Variants in SCFD2 observed in about 807,000 individuals in gnomAD.
The protein encoded by SCFD2 is sec1 family domain containing 2.
SCFD2 carries 54 observed loss-of-function variants against 58.9 expected under a neutral mutation model. The observed-to-expected ratio is 0.92, with a 90% confidence interval of 0.74 to 1.15. SCFD2 has a LOEUF of 1.15. Ranked by LOEUF, SCFD2 falls within the 50% of genes most tolerant of loss-of-function variation. The pLI is 0.00. For missense variants in SCFD2, 805 were observed against 836.6 expected, an observed-to-expected ratio of 0.96 and a Z score of 0.47; for synonymous variants, 321 against 335.9, an observed-to-expected ratio of 0.96 and a Z score of 0.49.
chr4:53,062,652 A>C (rs1337239875), intron 5 of SCFD2, among the ~76,000 whole-genome samples: 10 of 152,146 alleles, frequency 6.6e-5, no homozygotes, highest in Admixed American at 6.6e-4. Context: ...CAGTGCTCTG[A>C]TGGAAAATCC....
intron 5 of SCFD2, among the ~76,000 whole-genome samples, chr4:53,104,861 T>C (rs1724940503): frequency 6.6e-6 from 1 of 152,096 alleles, no homozygotes; most frequent in Admixed American, 6.5e-5. Flanking sequence ...AATTAAGAGA[T>C]TTGGTAGTAA....
intron 2 of SCFD2, among the ~76,000 whole-genome samples, chr4:53,314,837 A>G (rs1441080961): frequency 1.3e-5 from 2 of 152,200 alleles, no homozygotes; most frequent in Admixed American, 1.3e-4. Flanking sequence ...ATTATCATGT[A>G]TCTTTCCATA....
chr4:53,111,870 G>A (rs541229303), intron 5 of SCFD2, among the ~76,000 whole-genome samples: 1 of 152,078 alleles, frequency 6.6e-6, no homozygotes, highest in Non-Finnish European at 1.5e-5. Flanking sequence ...GGGAGTAACT[G>A]CATGCTTGGC....
chr4:53,121,415 T>C (rs921627770), intron 5 of SCFD2, among the ~76,000 whole-genome samples: 4 of 152,208 alleles, frequency 2.6e-5, no homozygotes, highest in South Asian at 2.1e-4. Context: ...GAAGTCTCTA[T>C]TGTTCAAGTT....
chr4:53,035,459 G>C, intron 5 of SCFD2, among the ~76,000 whole-genome samples: 1 of 152,098 alleles, frequency 6.6e-6, no homozygotes. Flanking sequence ...GGCAACAAAA[G>C]CCAAAATTGA....
At chr4:53,055,860 T>G (rs553279768) in intron 5 of SCFD2, among the ~76,000 whole-genome samples, 91 of 152,024 alleles carry the variant, frequency 6.0e-4, no homozygotes, top group Admixed American at 9.2e-4. Flanking sequence ...GCTCAGACTC[T>G]CTCCTGACTG....
chr4:53,259,332 T>C (rs747592327), intron 4 of SCFD2, among the ~76,000 whole-genome samples: 8 of 152,240 alleles, frequency 5.3e-5, no homozygotes, highest in Non-Finnish European at 7.3e-5. Flanking sequence ...TGTTATCTTC[T>C]AGAATCTTTA....
chr4:53,284,869 G>A (rs1210356642), intron 3 of SCFD2, among the ~76,000 whole-genome samples: 3 of 152,170 alleles, frequency 2.0e-5, no homozygotes, highest in Non-Finnish European at 2.9e-5. Context: ...AAGCCCAGCT[G>A]GGAATTGATG....
chr4:53,290,257 A>G (rs1489519078), intron 3 of SCFD2, among the ~76,000 whole-genome samples: 1 of 152,194 alleles, frequency 6.6e-6, no homozygotes, highest in East Asian at 1.9e-4. Flanking sequence ...AGAAGATCAC[A>G]GTCATATCAA....
intron 5 of SCFD2, among the ~76,000 whole-genome samples, chr4:53,112,029 G>A (rs976813407): frequency 3.9e-5 from 6 of 152,124 alleles, no homozygotes; most frequent in Admixed American, 6.6e-5. Context: ...GATCATTTAG[G>A]AATGATAGAC....
intron 5 of SCFD2, among the ~76,000 whole-genome samples, chr4:53,100,669 T>C (rs753715961): frequency 3.9e-5 from 6 of 152,150 alleles, no homozygotes; most frequent in Admixed American, 2.6e-4. Flanking sequence ...AACAGACACA[T>C]AAGGCTCCCT....
intron 5 of SCFD2, among the ~76,000 whole-genome samples, chr4:53,105,023 C>A (rs1724945967): frequency 6.6e-6 from 1 of 152,138 alleles, no homozygotes; most frequent in Non-Finnish European, 1.5e-5. Context: ...ACAATGGGTG[C>A]AGCTCACAAA....
At chr4:53,133,207 A>G (rs1426478036) in intron 5 of SCFD2, among the ~76,000 whole-genome samples, 1 of 151,766 alleles carries the variant, frequency 6.6e-6, no homozygotes, top group African/African-American at 2.4e-5. Flanking sequence ...GGGTGCCTGT[A>G]GTCCCAGCTA....
chr4:53,092,573 A>G (rs1724505240), intron 5 of SCFD2, among the ~76,000 whole-genome samples: 1 of 152,070 alleles, frequency 6.6e-6, no homozygotes, highest in African/African-American at 2.4e-5. Context: ...TGGTTAAACA[A>G]ACTGTGCTAC....
At chr4:53,196,473 G>C (rs774072282) in intron 4 of SCFD2, among the ~76,000 whole-genome samples, 3 of 152,160 alleles carry the variant, frequency 2.0e-5, no homozygotes, top group Non-Finnish European at 2.9e-5. Flanking sequence ...TTTTAAAGCA[G>C]ATTCTTGTTA....
At chr4:52,876,254 G>A (rs1397991563) in intron 8 of SCFD2, among the ~76,000 whole-genome samples, 4 of 152,160 alleles carry the variant, frequency 2.6e-5, no homozygotes, top group East Asian at 1.9e-4. Flanking sequence ...ACATAAGATC[G>A]TGTATGTGGA....
chr4:53,029,675 T>G (rs958352090), intron 5 of SCFD2, among the ~76,000 whole-genome samples: 3 of 152,144 alleles, frequency 2.0e-5, no homozygotes, highest in African/African-American at 7.2e-5. Flanking sequence ...TAGAAACATA[T>G]CCACACATAT....
intron 5 of SCFD2, among the ~76,000 whole-genome samples, chr4:52,971,563 G>A (rs549512113): frequency 6.6e-6 from 1 of 152,168 alleles, no homozygotes; most frequent in African/African-American, 2.4e-5. Flanking sequence ...AAGTGACAGG[G>A]AGAATGGAAC....
intron 5 of SCFD2, among the ~76,000 whole-genome samples, chr4:53,068,981 G>C (rs1455456759): frequency 2.0e-5 from 3 of 151,982 alleles, no homozygotes; most frequent in African/African-American, 7.2e-5. Context: ...ATGTGTCATT[G>C]GAGTGGGTCA....
Sources: gnomAD v4.1 joint callset for allele counts (sites outside exome capture counted in the v4.1 genomes callset) on GRCh38, gnomAD v4.1.1 for gene constraint, MANE v1.5 for transcripts, NCBI Gene and HGNC (gene_info 2026-07-23, HGNC 2026-07-21) for gene names.